Variants in OLFM1 observed in about 807,000 individuals in gnomAD.
The protein encoded by OLFM1 is olfactomedin 1.
OLFM1 carries 9 observed loss-of-function variants against 49.7 expected under a neutral mutation model. The ratio of observed to expected loss-of-function variants is 0.18; its 90% confidence interval spans 0.11 to 0.32. The LOEUF (loss-of-function observed/expected upper bound fraction) is 0.32. Among genes scored for constraint, OLFM1 ranks in the 10% least tolerant of loss-of-function variants. The pLI is 1.00. For missense variants in OLFM1, 369 were observed against 661.8 expected, an observed-to-expected ratio of 0.56 and a Z score of 4.85; for synonymous variants, 240 against 271.8, an observed-to-expected ratio of 0.88 and a Z score of 1.15.
At chr9:135,085,978 C>T (rs1830591039), upstream of OLFM1, among the ~76,000 whole-genome samples, 1 of 152,252 alleles carries the variant, frequency 6.6e-6, no homozygotes, top group South Asian at 2.1e-4. Flanking sequence ...AAATAAATGT[C>T]TATGGCTTCT....
intron 5 of OLFM1, among the ~76,000 whole-genome samples, chr9:135,115,653 A>C (rs930341171): frequency 2.6e-5 from 4 of 152,188 alleles, no homozygotes; most frequent in African/African-American, 9.7e-5. Flanking sequence ...CTTCCCAGTC[A>C]AGACAATCGA....
intron 3 of OLFM1, among the ~76,000 whole-genome samples, chr9:135,097,061 C>A (rs1830808774): frequency 6.6e-6 from 1 of 152,182 alleles, no homozygotes; most frequent in Non-Finnish European, 1.5e-5. Flanking sequence ...ATGAACAGGT[C>A]AAATTACACA....
intron 1 of OLFM1, among the ~76,000 whole-genome samples, chr9:135,089,098 T>A (rs1260757276): frequency 1.3e-5 from 2 of 152,194 alleles, no homozygotes; most frequent in African/African-American, 4.8e-5. Flanking sequence ...TTTAGTGCCC[T>A]GCGAAGAGGG....
In OLFM1 at chr9:135,090,114, C is replaced by G; in HGVS notation, c.151-81C>G. On this transcript the variant is annotated intron_variant, in intron 1 of 5. Transcript: ENST00000371793. ...TTGGGGGTGGATGTGGACAGTTTCC[C>G]CTGGTTGTTGGCTCTGATACACAAC... The G allele has an allele frequency of 3.8e-6, 5 of 1,322,304 alleles. No homozygotes were observed. The South Asian group carries it at 5.7e-5, about 15-fold the overall frequency. The allele number at this position is 1,322,304 out of a possible 1,614,324, so 81.9% of individuals were successfully genotyped here. A position where few individuals can be genotyped will look rare whatever the true frequency, so the allele number is the denominator to read the frequency against.
intron 5 of OLFM1, 80 bp downstream of exon 5, chr9:135,106,935 A>G (rs1830953114): frequency 2.7e-6 from 3 of 1,128,682 alleles, no homozygotes; most frequent in African/African-American, 3.1e-5. Context: ...ACATGGGTAC[A>G]AGCCACGCCC....
intron 2 of OLFM1, among the ~76,000 whole-genome samples, chr9:135,091,635 TCACA>T (rs1282503975): frequency 1.8e-5 from 1 of 54,260 alleles, no homozygotes; most frequent in Non-Finnish European, 3.9e-5. Flanking sequence ...ACTCACATAG[TCACA>T]CACACTCACA....
At chr9:135,082,238 G>A (rs764644434) in intron 1 of OLFM1, among the ~76,000 whole-genome samples, 6 of 152,200 alleles carry the variant, frequency 3.9e-5, no homozygotes, top group South Asian at 2.1e-4. Context: ...GAATGAGGTC[G>A]GCTCCCCAGC....
At chr9:135,107,472 A>T (rs1830961607) in intron 5 of OLFM1, among the ~76,000 whole-genome samples, 3 of 152,154 alleles carry the variant, frequency 2.0e-5, no homozygotes, top group Admixed American at 2.0e-4. Flanking sequence ...GCCCCTTTGA[A>T]AAATGGGGAG....
intron 5 of OLFM1, 111 bp from the exon 6 acceptor site, chr9:135,119,393 G>C: frequency 1.1e-6 from 1 of 873,166 alleles, no homozygotes; most frequent in Admixed American, 2.3e-5. Flanking sequence ...TCTTTGGAGT[G>C]CTCAGTGGGT....
chr9:135,105,699 G>A (rs1830932451), intron 4 of OLFM1: 1 of 152,274 alleles, frequency 6.6e-6, no homozygotes, highest in South Asian at 2.1e-4. Context: ...CAAGCCCACC[G>A]AGGGTGCCAC....
At position 135,119,521 on chromosome 9, in the gene OLFM1, C is replaced by T. The variant is rs1298433309; in HGVS notation, c.801C>T (p.Gly267=). 6.2e-7 allele frequency: 1 copy of T among 1,607,448 alleles called. No individual in the cohort carries two copies. The highest frequency in any genetic ancestry group is 1.7e-5 in the Admixed American group (1 of 59,798). The change falls in exon 6 of 6, where the codon GGC becomes GGT. Residue 267 remains glycine, a synonymous_variant. Coordinates refer to ENST00000371793, the MANE Select transcript of OLFM1 (RefSeq NM_001282611.2). Reference sequence around the variant, plus strand: ...CTCCACAGGTGTGGTACATGGACGGCTATCACAACAACCGCTTCGTACGTG... The same window carrying T: ...CTCCACAGGTGTGGTACATGGACGGTTATCACAACAACCGCTTCGTACGTG... The part of the protein sequence containing the change: ...EGDNRVWYMD[G]YHNNRFVREY...
In OLFM1 at chr9:135,088,091, C is replaced by T. The variant is rs1830624897; in HGVS notation, c.102C>T (p.Thr34=). Residue 34 remains threonine (T), a synonymous_variant, in exon 1 of 6, where the codon ACC becomes ACT. Transcript: ENST00000371793. The surrounding 1 kb of genome is among the most constrained non-coding windows in gnomAD (Gnocchi z 4.8). ...QTLPSLVGLN[T]TKLSAAGGGT... ...TGCCCTCGCTGGTGGGCCTCAACACCACCAAGCTCTCGGCGGCCGGCGGCG... is the reference window on the plus strand; with the variant it reads ...TGCCCTCGCTGGTGGGCCTCAACACTACCAAGCTCTCGGCGGCCGGCGGCG... 7.0e-7 allele frequency: 1 copy of T among 1,428,466 alleles called. No individual in the cohort carries two copies. Among genetic ancestry groups the T allele is most frequent in the African/African-American group, 1.5e-5 (1 of 67,770 alleles). 88.5% of individuals were successfully genotyped at this position (1,428,466 alleles called of 1,614,324 possible).
At chr9:135,087,414 C>G, upstream of OLFM1, 1 of 1,546,092 alleles carries the variant, frequency 6.5e-7, no homozygotes, top group South Asian at 1.2e-5. Flanking sequence ...GGGCCGTGCC[C>G]CCAGCTGGAG....
chr9:135,112,219 G>A (rs1466919331), intron 5 of OLFM1, among the ~76,000 whole-genome samples: 2 of 152,226 alleles, frequency 1.3e-5, no homozygotes, highest in African/African-American at 2.4e-5. Flanking sequence ...TCGCCAAAAG[G>A]GCTCCATGGA....
chr9:135,090,595 G>GA (rs1278544213), intron 2 of OLFM1, among the ~76,000 whole-genome samples: 1 of 152,142 alleles, frequency 6.6e-6, no homozygotes, highest in African/African-American at 2.4e-5. Context: ...CAGGTGGATT[G>GA]AGACTTCCAA....
upstream of OLFM1, among the ~76,000 whole-genome samples, chr9:135,083,408 G>A (rs973824732): frequency 6.6e-6 from 1 of 152,170 alleles, no homozygotes; most frequent in Admixed American, 6.5e-5. Flanking sequence ...GGGGATGGGG[G>A]CCGTGGACAA....
Position 135,090,220 on chromosome 9 carries a change from G to A in OLFM1, c.176G>A (p.Ser59Asn), listed in dbSNP as rs1432700771. 2 of 1,612,948 alleles carry A rather than the reference G, an allele frequency of 1.2e-6. No homozygotes were observed. Among genetic ancestry groups the A allele is most frequent in the African/African-American group, 2.7e-5 (2 of 74,912 alleles). Residue 59 changes from serine to asparagine, a missense_variant, in exon 2 of 6, where the codon AGC (serine) becomes AAC (asparagine). Physicochemically the swap from Ser to Asn is conservative, Grantham distance 46. Around this residue, in one of 3 missense-constraint regions of OLFM1, gnomAD observed 55 missense variants for 53.3 expected, o/e 1.03. Coordinates refer to ENST00000371793, the MANE Select transcript of OLFM1 (RefSeq NM_001282611.2). The part of the protein sequence containing the change: ...TGVLPTNPEE[S>N]WQVYSSAQDS... ...GTGCTGCCCACCAACCCTGAGGAGA[G>A]CTGGCAGGTGTACAGCTCTGCCCAG... is the stretch of plus-strand genomic sequence containing the variant.
Position 135,090,175 on chromosome 9 carries a change from C to A in OLFM1, c.151-20C>A. 6 of 1,590,670 alleles carry A rather than the reference C, an allele frequency of 3.8e-6. No homozygotes were observed. Among genetic ancestry groups the A allele is most frequent in the Non-Finnish European group, 5.2e-6 (6 of 1,162,960 alleles). ...CCCTTTCTCTCCTTCCCTCTCCCTT[C>A]CCGCCCCGCCCCTCTCCAGGTGCTG... On this transcript the variant is annotated intron_variant, in intron 1 of 5. Transcript: ENST00000371793.
At position 135,088,577 on chromosome 9, in the gene OLFM1, C is replaced by G. The variant is rs1830634391; in HGVS notation, c.150+438C>G. ...AGACCCTAGTCTGGGCTCGGTCCAG[C>G]GGGGACTGAGCCCGCCCTAGTTTGT... On this transcript the variant is annotated intron_variant, in intron 1 of 5. Transcript: ENST00000371793. This position sits in a 1 kb window ranked among gnomAD's most constrained non-coding sequence, Gnocchi z 4.8. Among the ~76,000 whole-genome samples, 1 of 152,050 alleles carries G rather than the reference C, an allele frequency of 6.6e-6. No individual in the cohort carries two copies. The highest frequency in any genetic ancestry group is 2.4e-5 in the African/African-American group (1 of 41,414).
Sources: gnomAD v4.1 joint callset for allele counts (sites outside exome capture counted in the v4.1 genomes callset) on GRCh38, gnomAD v4.1.1 for gene constraint, gnomAD v4.1.1 regional missense constraint, Gnocchi (gnomAD v3.1) non-coding constraint, MANE v1.5 for transcripts, NCBI Gene and HGNC (gene_info 2026-07-23, HGNC 2026-07-21) for gene names.